Variants in KCTD14 observed in about 807,000 individuals in gnomAD.
The protein encoded by KCTD14 is BTB/POZ domain-containing protein KCTD14.
KCTD14 carries 7 observed loss-of-function variants against 5.9 expected under a neutral mutation model. That is an observed-to-expected ratio of 1.19 (90% CI 0.68 to 2.23). The LOEUF (loss-of-function observed/expected upper bound fraction) is 2.23, where lower values mean the gene tolerates loss of function less well. Ranked by LOEUF, KCTD14 falls within the 30% of genes most tolerant of loss-of-function variation. The pLI, the probability that KCTD14 is intolerant of heterozygous loss-of-function variation, is 0.00. For synonymous variants in KCTD14, 140 were observed against 133.1 expected (o/e 1.05, Z -0.36); for missense variants, 342 against 332.2 (o/e 1.03, Z -0.23).
exon 2 of KCTD14, chr11:78,038,719 A>G: frequency 1.3e-6 from 2 of 1,535,752 alleles, no homozygotes; most frequent in South Asian, 1.2e-5. Context: ...GGTGTCAGAG[A>G]GGGATCCTGG....
chr11:78,033,681 C>CA lies in KCTD14; in HGVS notation c.-1+4982dup, dbSNP rs34822968. ...TGGGCAACAGAGCGAGACTCCTTCT[C>CA]AAAAAAAAAAAAAAAAATTAGCCAG... On this transcript the variant is annotated intron_variant, in intron 2 of 2. Transcript: ENST00000533144. Among the ~76,000 whole-genome samples, 474 of 127,968 alleles carry CA rather than the reference C, an allele frequency of 3.7e-3. 3 individuals carry two copies. Among genetic ancestry groups the CA allele is most frequent in the East Asian group, 6.7e-3 (29 of 4,354 alleles). The allele number at this position is 127,968 out of a possible 152,430, so 84.0% of individuals were successfully genotyped here. A position where few individuals can be genotyped will look rare whatever the true frequency, so the allele number is the denominator to read the frequency against.
upstream of KCTD14, among the ~76,000 whole-genome samples, chr11:78,025,116 GTGTATATATATATATA>G (rs1416295353): frequency 0.014 from 932 of 68,526 alleles, 7 homozygotes; most frequent in Non-Finnish European, 0.015. Context: ...GTGTGTGTGT[GTGTATATATATATATA>G]TATATATATA....
chr11:78,044,323 G>A (rs1029390838), intron 1 of KCTD14, among the ~76,000 whole-genome samples: 4 of 152,166 alleles, frequency 2.6e-5, no homozygotes, highest in African/African-American at 9.7e-5. Context: ...CCAGCTGTGT[G>A]CTTCCTGTGA....
At chr11:78,041,946 AGATTCCATTCCTTGGAATCCGT>A (rs1479311195) in intron 1 of KCTD14, among the ~76,000 whole-genome samples, 1 of 152,248 alleles carries the variant, frequency 6.6e-6, no homozygotes, top group Non-Finnish European at 1.5e-5. Context: ...GCATGGCCCA[AGATTCCATTCCTTGGAATCCGT>A]GAGGCCAAGA....
At chr11:78,023,510 C>T, upstream of KCTD14, 1 of 459,796 alleles carries the variant, frequency 2.2e-6, no homozygotes, top group Non-Finnish European at 3.8e-6. Context: ...CCTTTTCTTT[C>T]TTTCTTTCTT....
chr11:78,022,521 G>T (rs1857333956), intron 1 of KCTD14, among the ~76,000 whole-genome samples: 2 of 152,130 alleles, frequency 1.3e-5, no homozygotes, highest in South Asian at 4.2e-4. Context: ...CCCTGCTGCT[G>T]GATCTGCTTT....
At chr11:78,031,937 A>G (rs1280175448) in intron 2 of KCTD14, among the ~76,000 whole-genome samples, 1 of 152,236 alleles carries the variant, frequency 6.6e-6, no homozygotes, top group Non-Finnish European at 1.5e-5. Context: ...ATGGTGGATC[A>G]CAGATAATGG....
At position 78,030,311 on chromosome 11, in the gene KCTD14, G is replaced by A. The variant is rs1192863198; in HGVS notation, c.-1+8353C>T. 3.9e-5 allele frequency among the ~76,000 whole-genome samples: 6 copies of A among 152,104 alleles called. No individual in the cohort carries two copies. The South Asian group carries it at 6.2e-4, about 16-fold the overall frequency. Reference sequence around the variant, plus strand: ...CCATTTTCTATATGAGGACCCCAAGGCTCCCAGAGATGAAGCACCTCTTTG... The same window carrying A: ...CCATTTTCTATATGAGGACCCCAAGACTCCCAGAGATGAAGCACCTCTTTG... On this transcript the variant is annotated intron_variant, in intron 2 of 2. Coordinates refer to the KCTD14 transcript ENST00000533144.
At position 78,045,832 on chromosome 11, in the gene KCTD14, G is replaced by T. The variant is rs556214345; in HGVS notation, c.-96+229C>A. 5.1e-4 allele frequency among the ~76,000 whole-genome samples: 77 copies of T among 152,268 alleles called. 2 individuals carry two copies. The South Asian group carries it at 0.016, about 31-fold the overall frequency. On this transcript the variant is annotated intron_variant, in intron 1 of 2. Transcript: ENST00000533144. ...GTCAAAGTGCTCCCAAAAGCCCAGA[G>T]TACTCAGGTCCTCCTCAGACGTTGC... is the stretch of plus-strand genomic sequence containing the variant.
intron 2 of KCTD14, among the ~76,000 whole-genome samples, chr11:78,033,489 C>G (rs10793276): frequency 0.42 from 62,877 of 151,302 alleles, 13,222 homozygotes; most frequent in African/African-American, 0.52. Flanking sequence ...CAAGACCAGC[C>G]TGGCCAACAT....
upstream of KCTD14, among the ~76,000 whole-genome samples, chr11:78,024,145 G>A (rs924217095): frequency 1.3e-5 from 2 of 152,066 alleles, no homozygotes; most frequent in African/African-American, 4.8e-5. Flanking sequence ...AGCACTTTGG[G>A]AGGCCAAAGC....
intron 2 of KCTD14, among the ~76,000 whole-genome samples, chr11:78,030,101 C>A (rs1289897870): frequency 6.6e-6 from 1 of 152,134 alleles, no homozygotes; most frequent in Non-Finnish European, 1.5e-5. Context: ...GAGAAAATTT[C>A]TTTAGAGCAA....
At position 78,016,239 on chromosome 11, in the gene KCTD14, G is replaced by A. The variant is rs1857159884; in HGVS notation, c.*354C>T. On this transcript the variant is annotated 3_prime_UTR_variant, in exon 2 of 2. Transcript: ENST00000353172. The stretch of plus-strand genomic sequence containing the variant: ...GGGGCTATGTAGACTACATCTTTAG[G>A]TCAGAACATCTAGATTCACAGTATC... 3.5e-6 allele frequency: 1 copy of A among 288,868 alleles called. No homozygotes were observed. The highest frequency in any genetic ancestry group is 2.2e-5 in the African/African-American group (1 of 45,586). 17.9% of individuals were successfully genotyped at this position (288,868 alleles called of 1,614,324 possible).
chr11:78,046,166 G>C (rs1858135000), exon 1 of KCTD14: 1 of 982,910 alleles, frequency 1.0e-6, no homozygotes, highest in African/African-American at 1.7e-5. Context: ...AAGGGCAGGA[G>C]CAGGAAAGAA....
chr11:78,022,757 A>C lies in KCTD14; in HGVS notation c.90+403T>G, dbSNP rs539876263. On this transcript the variant is annotated intron_variant, in intron 1 of 1. Transcript: ENST00000353172. ...GGCTGGAGAGGGCTGCAGGTGAGGGAAAGATCCTCTGGCCGAGCTGGTTGG... is the reference window on the plus strand; with the variant it reads ...GGCTGGAGAGGGCTGCAGGTGAGGGCAAGATCCTCTGGCCGAGCTGGTTGG... Among the ~76,000 whole-genome samples the C allele has an allele frequency of 1.4e-4, 21 of 152,182 alleles. No homozygotes were observed. The East Asian group carries it at 3.9e-3, about 28-fold the overall frequency.
intron 1 of KCTD14, among the ~76,000 whole-genome samples, chr11:78,018,724 G>A (rs1008013130): frequency 6.6e-6 from 1 of 151,798 alleles, no homozygotes; most frequent in Non-Finnish European, 1.5e-5. Context: ...AAAATAAGAA[G>A]AAGAAAGTAA....
upstream of KCTD14, among the ~76,000 whole-genome samples, chr11:78,027,357 A>G (rs1591183482): frequency 7.3e-6 from 1 of 137,694 alleles, no homozygotes; most frequent in African/African-American, 2.8e-5. Context: ...GCATAGCAAG[A>G]CCCCATCCCT....
upstream of KCTD14, chr11:78,023,492 A>T: frequency 2.1e-6 from 1 of 480,366 alleles, no homozygotes; most frequent in Non-Finnish European, 3.7e-6. Context: ...ATATAGATTA[A>T]TTTCCTTCCT....
chr11:78,017,356 A>C (rs753421492), intron 1 of KCTD14, 86 bp from the exon 2 acceptor site: 16 of 1,466,258 alleles, frequency 1.1e-5, no homozygotes, highest in Middle Eastern at 2.2e-4. Flanking sequence ...ACTGGATAAA[A>C]AACTTAGGGG....
Sources: allele counts gnomAD v4.1 joint callset (sites outside exome capture counted in the v4.1 genomes callset), GRCh38; gene constraint gnomAD v4.1.1; transcripts MANE v1.5; gene names NCBI Gene and HGNC (gene_info 2026-07-23, HGNC 2026-07-21).